CCDC188: variants seen among roughly 807,000 people sequenced by gnomAD.
CCDC188 encodes coiled-coil domain containing 188, also known as coiled-coil domain-containing protein 188.
Under a neutral mutation model 50.7 loss-of-function variants are expected in CCDC188, and 37 were observed. The ratio of observed to expected loss-of-function variants is 0.73; its 90% confidence interval spans 0.56 to 0.96. The LOEUF (loss-of-function observed/expected upper bound fraction) is 0.96, where lower values mean the gene tolerates loss of function less well. Ranked by LOEUF, CCDC188 falls within the 40% of genes least tolerant of loss-of-function variation. CCDC188 has a pLI of 0.00. For synonymous variants in CCDC188, 208 were observed against 228.0 expected (o/e 0.91, Z 0.79); for missense variants, 453 against 512.9 (o/e 0.88, Z 1.13).
chr22:20,149,982 C>T lies in CCDC188; in HGVS notation c.705G>A (p.Gly235=). 2 of 1,548,088 alleles carry T rather than the reference C, an allele frequency of 1.3e-6. No individual in the cohort carries two copies. The highest frequency in any genetic ancestry group is 2.0e-5 in the Admixed American group (1 of 50,936). The change falls in exon 3 of 9, where the codon GGG becomes GGA. Residue 235 remains glycine, a synonymous_variant. Transcript: ENST00000439765. The part of the protein sequence containing the change: ...LQLLRRELCQ[G]QEAFVQQSQN... ...GGGACTGTTGCACGAAAGCCTCTTG[C>T]CCCTGGCACAGCTCCCGCCGCAGCA... is the stretch of plus-strand genomic sequence containing the variant.
In CCDC188 at chr22:20,150,485, GCTCC is replaced by G; in HGVS notation, c.498_501del (p.Glu167ArgfsTer6). ...GTGCTCACCAGGCTGTGGTTCTCCT[GCTCC>G]AGCTGCAGGAAGGACTGTTCTGCAG... On this transcript the variant is annotated frameshift_variant, in exon 1 of 9. Transcript: ENST00000439765. LOFTEE classifies it high-confidence loss of function. The G allele has an allele frequency of 1.9e-6, 3 of 1,543,938 alleles. No individual in the cohort carries two copies. The highest frequency in any genetic ancestry group is 1.7e-6 in the Non-Finnish European group (2 of 1,146,494).
Position 20,148,761 on chromosome 22 carries a change from G to C in CCDC188, c.1062C>G (p.Val354=), listed in dbSNP as rs1406498357. 8 of 1,484,096 alleles carry C rather than the reference G, an allele frequency of 5.4e-6. No individual in the cohort carries two copies. The African/African-American group carries it at 1.1e-4, about 21-fold the overall frequency. The allele number at this position is 1,484,096 out of a possible 1,614,324, so 91.9% of individuals were successfully genotyped here. ...TLRLLLGALL[V]WTAAYVYVVN... ...CCACGTACACGTAGGCAGCGGTCCA[G>C]ACCAGCAGGGCGCCCAGCAGCAGCC... Residue 354 remains valine, a synonymous_variant, in exon 9 of 9, where the codon GTC becomes GTG. Coordinates refer to ENST00000439765, the MANE Select transcript of CCDC188 (RefSeq NM_001365892.2).
chr22:20,149,134 G>GC, intron 7 of CCDC188, 53 bp downstream of exon 7: 1 of 1,376,622 alleles, frequency 7.3e-7, no homozygotes. Flanking sequence ...CCCAAGCAGG[G>GC]CCCTGGGTGG....
In CCDC188 at chr22:20,151,044, C is replaced by T. The variant is rs1221606902; in HGVS notation, c.-58G>A. ...CAGGCTCTGGCCTGGCCCAACCTGC[C>T]ACCCTCTTACTGAGGGGGCTGCCCC... On this transcript the variant is annotated 5_prime_UTR_variant, in exon 1 of 9. Coordinates refer to ENST00000439765, the MANE Select transcript of CCDC188 (RefSeq NM_001365892.2). 5 of 1,315,454 alleles carry T rather than the reference C, an allele frequency of 3.8e-6. No individual in the cohort carries two copies. Among genetic ancestry groups the T allele is most frequent in the Admixed American group, 3.4e-5 (1 of 29,212 alleles). The allele number at this position is 1,315,454 out of a possible 1,614,324, so 81.5% of individuals were successfully genotyped here.
intron 7 of CCDC188, 64 bp from the exon 8 acceptor site, chr22:20,148,988 G>A (rs1223422462): frequency 1.4e-6 from 2 of 1,428,834 alleles, no homozygotes; most frequent in Non-Finnish European, 1.9e-6. Context: ...GGGATCCCTG[G>A]CTTTGGGAAA....
Position 20,150,974 on chromosome 22 carries a change from T to G in CCDC188, c.13A>C (p.Lys5Gln). The stretch of plus-strand genomic sequence containing the variant: ...GGGTGGCCGCAGGGGCCCAGGGTTT[T>G]CAGCCCCTCCATCCCTCCCTGCAAC... MEGLKTLGPCGHPHP... is the reference protein window; with the variant it reads MEGLQTLGPCGHPHP... The change falls in exon 1 of 9, where the codon AAA (lysine) becomes CAA (glutamine). Residue 5 changes from lysine to glutamine, a missense_variant. Lys to Gln is a moderately conservative substitution (Grantham distance 53). Coordinates refer to ENST00000439765, the MANE Select transcript of CCDC188 (RefSeq NM_001365892.2). 7.1e-7 allele frequency: 1 copy of G among 1,403,110 alleles called. No homozygotes were observed. The highest frequency in any genetic ancestry group is 9.3e-7 in the Non-Finnish European group (1 of 1,072,800). 86.9% of individuals were successfully genotyped at this position (1,403,110 alleles called of 1,614,324 possible). A position where few individuals can be genotyped will look rare whatever the true frequency, so the allele number is the denominator to read the frequency against.
rs753642597 is a variant in CCDC188, at chr22:20,148,534, C to CA, written c.*79dup. The CA allele has an allele frequency of 2.1e-6, 3 of 1,449,840 alleles. No individual in the cohort carries two copies. Among genetic ancestry groups the CA allele is most frequent in the Non-Finnish European group, 2.7e-6 (3 of 1,102,660 alleles). 89.8% of individuals were successfully genotyped at this position (1,449,840 alleles called of 1,614,324 possible). ...GGATGGTGCACAGTGGTGCCATGTG[C>CA]AGGGGGCTGGCACGGCCACTGGGCA... On this transcript the variant is annotated 3_prime_UTR_variant, in exon 9 of 9. Transcript: ENST00000439765.
intron 7 of CCDC188, 99 bp from the exon 8 acceptor site, chr22:20,149,023 A>G: frequency 1.5e-6 from 2 of 1,333,876 alleles, no homozygotes; most frequent in Non-Finnish European, 2.0e-6. Flanking sequence ...GGCTCCCCGC[A>G]CCGCAGCCCT....
chr22:20,148,767 C>A lies in CCDC188; in HGVS notation c.1056G>T (p.Leu352=), dbSNP rs1425477644. ...LLTLRLLLGA[L]LVWTAAYVYV... The stretch of plus-strand genomic sequence containing the variant: ...ACACGTAGGCAGCGGTCCAGACCAG[C>A]AGGGCGCCCAGCAGCAGCCTCAGGG... The change falls in exon 9 of 9, where the codon CTG becomes CTT. Residue 352 remains leucine (L), a synonymous_variant. Transcript: ENST00000439765. 1.4e-6 allele frequency: 2 copies of A among 1,478,010 alleles called. No homozygotes were observed. The highest frequency in any genetic ancestry group is 1.8e-6 in the Non-Finnish European group (2 of 1,107,748). 91.6% of individuals were successfully genotyped at this position (1,478,010 alleles called of 1,614,324 possible). A position where few individuals can be genotyped will look rare whatever the true frequency, so the allele number is the denominator to read the frequency against.
At position 20,149,074 on chromosome 22, in the gene CCDC188, G is replaced by A. The variant is rs999218080; in HGVS notation, c.972+113C>T. The stretch of plus-strand genomic sequence containing the variant: ...GACAGGCTCCTGCAGCCACTTTTCC[G>A]ATGCCCCCTGCCCTGGACCTGCCCT... On this transcript the variant is annotated intron_variant, in intron 7 of 8. Coordinates refer to ENST00000439765, the MANE Select transcript of CCDC188 (RefSeq NM_001365892.2). 9.5e-6 allele frequency: 12 copies of A among 1,259,594 alleles called. No homozygotes were observed. In the African/African-American group the frequency reaches 1.1e-4, roughly 11 times the overall value. The allele number at this position is 1,259,594 out of a possible 1,614,324, so 78.0% of individuals were successfully genotyped here.
chr22:20,149,875 T>G (rs2050591744), intron 3 of CCDC188, 80 bp downstream of exon 3: 6 of 1,487,520 alleles, frequency 4.0e-6, no homozygotes, highest in Non-Finnish European at 5.4e-6. Flanking sequence ...AAGACCTCCC[T>G]CCCTAATGAA....
rs2050599865 is a variant in CCDC188 at position 20,150,230 on chromosome 22, A to T, written c.540T>A (p.Leu180=). 1 of 1,547,324 alleles carries T rather than the reference A, an allele frequency of 6.5e-7. No homozygotes were observed. The highest frequency in any genetic ancestry group is 1.4e-5 in the African/African-American group (1 of 72,502). Residue 180 remains leucine, a synonymous_variant, in exon 2 of 9, where the codon CTT becomes CTA. Transcript: ENST00000439765. ...CCAGGAGGGCCCCCAGCTGCTCCCG[A>T]AGTTCCTGATTCTGCCTTTTCTGGG... ...NHSLKRQNQE[L]REQLGALLGP...
chr22:20,149,512 C>G lies in CCDC188; in HGVS notation c.850-36G>C, dbSNP rs766071833. ...GAGGAGGTAAGCACAGCAGGCCCCT[C>G]GCCCCGCCCTCCGTGGCCTCTCGCC... On this transcript the variant is annotated intron_variant, in intron 5 of 8. Coordinates refer to ENST00000439765, the MANE Select transcript of CCDC188 (RefSeq NM_001365892.2). 3 of 1,549,784 alleles carry G rather than the reference C, an allele frequency of 1.9e-6. No homozygotes were observed. The African/African-American group carries it at 4.1e-5, about 21-fold the overall frequency.
In CCDC188 at chr22:20,150,547, G is replaced by A. The variant is rs1461360956; in HGVS notation, c.440C>T (p.Ala147Val). Reference sequence around the variant, plus strand: ...CAGCCCGCACTGAAGCTGGGACAGGGCTACCCTGGGCGAGGCCAGGGCCCC... The same window carrying A: ...CAGCCCGCACTGAAGCTGGGACAGGACTACCCTGGGCGAGGCCAGGGCCCC... The part of the protein sequence containing the change: ...EGGALASPRV[A>V]LSQLQCGLLG... The change falls in exon 1 of 9, where the codon GCC becomes GTC. Residue 147 changes from alanine (A) to valine (V), a missense_variant. Transcript: ENST00000439765. The A allele has an allele frequency of 1.3e-6, 2 of 1,548,948 alleles. No homozygotes were observed. The highest frequency in any genetic ancestry group is 1.7e-6 in the Non-Finnish European group (2 of 1,146,316).
chr22:20,149,914 C>G (rs762617438), intron 3 of CCDC188, 41 bp downstream of exon 3: 12 of 1,512,028 alleles, frequency 7.9e-6, no homozygotes, highest in Admixed American at 2.1e-5. Flanking sequence ...AGTGCTGTTA[C>G]GAAGCTTCCT....
rs1053125423 is a variant in CCDC188, at chr22:20,150,603, G to T, written c.384C>A (p.Pro128=). Residue 128 remains proline (P), a synonymous_variant, in exon 1 of 9, where the codon CCC becomes CCA. Transcript: ENST00000439765. The stretch of plus-strand genomic sequence containing the variant: ...CCCGTGACAGGGGTGGGCATGGGCA[G>T]GGTCTGGTCCCTGAGCCAATGGATC... ...QGGSIGSGTR[P]CPCPPLSREG... The T allele has an allele frequency of 5.2e-6, 8 of 1,544,762 alleles. No individual in the cohort carries two copies. The African/African-American group carries it at 1.1e-4, about 21-fold the overall frequency.
In CCDC188 at chr22:20,148,535, A is replaced by AG; in HGVS notation, c.*78dup. On this transcript the variant is annotated 3_prime_UTR_variant, in exon 9 of 9. Coordinates refer to ENST00000439765, the MANE Select transcript of CCDC188 (RefSeq NM_001365892.2). ...GATGGTGCACAGTGGTGCCATGTGC[A>AG]GGGGGCTGGCACGGCCACTGGGCAT... 1 of 1,450,048 alleles carries AG rather than the reference A, an allele frequency of 6.9e-7. No individual in the cohort carries two copies. The highest frequency in any genetic ancestry group is 9.1e-7 in the Non-Finnish European group (1 of 1,102,562). 89.8% of individuals were successfully genotyped at this position (1,450,048 alleles called of 1,614,324 possible).
chr22:20,149,443 G>C lies in CCDC188; in HGVS notation c.883C>G (p.Gln295Glu), dbSNP rs1220286353. Residue 295 changes from glutamine (Q) to glutamate (E), a missense_variant, in exon 6 of 9, where the codon CAG (glutamine) becomes GAG (glutamate). Transcript: ENST00000439765. ...LKKDIRGVLD[Q>E]MEDIQLEILR... ...ATCTCCAGCTGGATGTCCTCCATCT[G>C]GTCCAGCACGCCCCGGATGTCCTTC... 6.5e-7 allele frequency: 1 copy of C among 1,550,210 alleles called. No homozygotes were observed. The highest frequency in any genetic ancestry group is 1.2e-5 in the South Asian group (1 of 84,060).
Position 20,149,521 on chromosome 22 carries a change from C to A in CCDC188, c.850-45G>T, listed in dbSNP as rs1314840356. On this transcript the variant is annotated intron_variant, in intron 5 of 8. Transcript: ENST00000439765. ...AGCACAGCAGGCCCCTCGCCCCGCC[C>A]TCCGTGGCCTCTCGCCCGCCGGGCC... 13 of 1,549,886 alleles carry A rather than the reference C, an allele frequency of 8.4e-6. No individual in the cohort carries two copies. The South Asian group carries it at 1.5e-4, about 18-fold the overall frequency.
Sources: gnomAD v4.1 joint callset for allele counts on GRCh38, gnomAD v4.1.1 for gene constraint, MANE v1.5 for transcripts, NCBI Gene and HGNC (gene_info 2026-07-23, HGNC 2026-07-21) for gene names.